The following SNCAIP variants were observed in gnomAD, a reference collection of about 807,000 sequenced individuals.
SNCAIP encodes synuclein alpha interacting protein, also known as synphilin-1.
In SNCAIP, 43 loss-of-function variants were observed where a neutral mutation model predicts 86.7. The observed-to-expected ratio is 0.50, with a 90% CI of 0.39 to 0.64. The LOEUF (loss-of-function observed/expected upper bound fraction) is 0.64, where lower values mean the gene tolerates loss of function less well. SNCAIP is among the 30% of genes least tolerant of loss of function. The probability of loss-of-function intolerance (pLI) is 0.00; values close to 1 mark genes in which losing one functional copy is unlikely to be tolerated. For synonymous variants in SNCAIP, 417 were observed against 427.2 expected (o/e 0.98, Z 0.29); for missense variants, 981 against 1,103.1 (o/e 0.89, Z 1.57).
rs765265384 is a variant in SNCAIP, at chr5:122,450,709, G to T, written c.1862G>T (p.Arg621Leu). 1.9e-6 allele frequency: 3 copies of T among 1,614,052 alleles called. No individual in the cohort carries two copies. Among genetic ancestry groups the T allele is most frequent in the Admixed American group, 1.7e-5 (1 of 60,008 alleles). ...AKDEDSDKILRQLLGKEISEN... is the reference protein window; with the variant it reads ...AKDEDSDKILLQLLGKEISEN... ...GATGAAGATTCTGATAAAATCTTAC[G>T]CCAGTTATTGGGAAAGGAAATCTCA... Residue 621 changes from arginine to leucine, a missense_variant, in exon 10 of 11, where the codon CGC (arginine) becomes CTC (leucine). Coordinates refer to ENST00000261368, the MANE Select transcript of SNCAIP (RefSeq NM_005460.4).
At chr5:122,398,050 T>C (rs1770994334) in intron 2 of SNCAIP, among the ~76,000 whole-genome samples, 1 of 152,044 alleles carries the variant, frequency 6.6e-6, no homozygotes, top group African/African-American at 2.4e-5. Flanking sequence ...CAGAATCCTA[T>C]TGTGAGGGCT....
chr5:122,391,048 T>C (rs1769235431), intron 1 of SNCAIP, 41 bp from the exon 2 acceptor site: 1 of 1,096,922 alleles, frequency 9.1e-7, no homozygotes, highest in Non-Finnish European at 1.4e-6. Context: ...GTAAAACGGC[T>C]AAATTTTTTT....
At position 122,440,718 on chromosome 5, in the gene SNCAIP, C is replaced by T. The variant is rs369019735; in HGVS notation, c.1386C>T (p.His462=). 49 of 1,613,946 alleles carry T rather than the reference C, an allele frequency of 3.0e-5. No individual in the cohort carries two copies. Among genetic ancestry groups the T allele is most frequent in the African/African-American group, 4.0e-5 (3 of 75,022 alleles). Residue 462 remains histidine (H), a synonymous_variant, in exon 7 of 11, where the codon CAC becomes CAT. Transcript: ENST00000261368. ...EVDQDGNSAV[H]VASQHGYLGC... ...ACCAGGATGGCAACAGTGCCGTTCA[C>T]GTAGCCTCACAGCATGGCTACCTTG...
Position 122,419,046 on chromosome 5 carries a change from G to A in SNCAIP, c.131-3822G>A, listed in dbSNP as rs117974254. 1.1e-4 allele frequency among the ~76,000 whole-genome samples: 16 copies of A among 152,300 alleles called. No individual in the cohort carries two copies. The East Asian group carries it at 3.1e-3, about 29-fold the overall frequency. On this transcript the variant is annotated intron_variant, in intron 3 of 10. Transcript: ENST00000261368. ...GGTGCCTGAGCGATGAAGGGCAGGG[G>A]TCAAGGAAGGAGAAGGGTCAAGGAA... is the stretch of plus-strand genomic sequence containing the variant.
At chr5:122,365,993 C>T (rs571656961) in intron 1 of SNCAIP, among the ~76,000 whole-genome samples, 9 of 152,124 alleles carry the variant, frequency 5.9e-5, no homozygotes, top group Admixed American at 5.9e-4. Flanking sequence ...TCCTAAGTAA[C>T]CCCTAAGCTG....
chr5:122,405,836 C>A (rs56302477), intron 3 of SNCAIP, among the ~76,000 whole-genome samples: 1 of 152,128 alleles, frequency 6.6e-6, no homozygotes, highest in East Asian at 1.9e-4. Flanking sequence ...CCAGGTCTTA[C>A]AATTTCTAGT....
chr5:122,352,173 C>T (rs961555926), intron 1 of SNCAIP, among the ~76,000 whole-genome samples: 3 of 152,180 alleles, frequency 2.0e-5, no homozygotes, highest in African/African-American at 4.8e-5. Context: ...CCCGGAAAAA[C>T]GAGTTCTTGT....
chr5:122,410,248 A>G (rs943380073), intron 3 of SNCAIP, among the ~76,000 whole-genome samples: 2 of 152,156 alleles, frequency 1.3e-5, no homozygotes, highest in Admixed American at 1.3e-4. Flanking sequence ...CCCGAGGCAT[A>G]TTTGTACGTA....
At chr5:122,365,191 AC>A (rs1762930334) in intron 1 of SNCAIP, among the ~76,000 whole-genome samples, 1 of 151,428 alleles carries the variant, frequency 6.6e-6, no homozygotes, top group Admixed American at 6.6e-5. Flanking sequence ...CCCTGTCTGG[AC>A]TCTTTGGAAC....
chr5:122,455,844 A>G (rs976567629), intron 10 of SNCAIP, among the ~76,000 whole-genome samples: 3 of 152,136 alleles, frequency 2.0e-5, no homozygotes, highest in Admixed American at 6.5e-5. Context: ...ATTCAACTCT[A>G]TTCCTTTGAG....
In SNCAIP at chr5:122,451,538, T is replaced by A; in HGVS notation, c.2691T>A (p.Leu897=). 1.9e-6 allele frequency: 3 copies of A among 1,613,778 alleles called. No homozygotes were observed. Among genetic ancestry groups the A allele is most frequent in the Non-Finnish European group, 2.5e-6 (3 of 1,179,992 alleles). ...LKTSTLPLTS[L]GRKTDAKGNP... ...CCTCTACATTGCCCTTGACCTCACT[T>A]GGGAGGAAGACAGATGCCAAGGGAA... The change falls in exon 10 of 11, where the codon CTT becomes CTA. Residue 897 remains leucine (L), a synonymous_variant. Transcript: ENST00000261368.
chr5:122,368,429 G>A (rs889884050), intron 1 of SNCAIP, among the ~76,000 whole-genome samples: 7 of 152,050 alleles, frequency 4.6e-5, no homozygotes, highest in African/African-American at 1.7e-4. Context: ...CAGATTTCCA[G>A]TTTTTGAACC....
At chr5:122,377,799 T>C (rs542562454) in intron 1 of SNCAIP, among the ~76,000 whole-genome samples, 13 of 149,846 alleles carry the variant, frequency 8.7e-5, no homozygotes, top group Non-Finnish European at 1.2e-4. Flanking sequence ...GTTTGGTTTT[T>C]TGTTCTTGCG....
At chr5:122,348,269 A>C (rs1759027704) in intron 1 of SNCAIP, among the ~76,000 whole-genome samples, 1 of 152,166 alleles carries the variant, frequency 6.6e-6, no homozygotes, top group Non-Finnish European at 1.5e-5. Context: ...AAGATATCTT[A>C]ACTCATTAAA....
chr5:122,353,783 C>T (rs1431289184), intron 1 of SNCAIP, among the ~76,000 whole-genome samples: 1 of 152,126 alleles, frequency 6.6e-6, no homozygotes, highest in Non-Finnish European at 1.5e-5. Flanking sequence ...TCCATTAAAC[C>T]TCTTTTTCTT....
At position 122,325,779 on chromosome 5, in the gene SNCAIP, G is replaced by T. The variant is rs552283535; in HGVS notation, c.-47+13495G>T. On this transcript the variant is annotated intron_variant, in intron 1 of 10. Transcript: ENST00000261368. Reference sequence around the variant, plus strand: ...TTTACAAAGTATTCGCAATATTTTTGCATTCTTCAATTTTTTTTGAGTGAG... The same window carrying T: ...TTTACAAAGTATTCGCAATATTTTTTCATTCTTCAATTTTTTTTGAGTGAG... Among the ~76,000 whole-genome samples the T allele has an allele frequency of 3.9e-5, 6 of 152,114 alleles. No homozygotes were observed. In the South Asian group the frequency reaches 1.2e-3, roughly 32 times the overall value.
intron 1 of SNCAIP, chr5:122,323,328 G>A (rs540907995): frequency 1.7e-4 from 26 of 152,282 alleles, no homozygotes; most frequent in African/African-American, 4.6e-4. Context: ...ACAGATTAAC[G>A]TGGTTACAAA....
At position 122,450,999 on chromosome 5, in the gene SNCAIP, C is replaced by G; in HGVS notation, c.2152C>G (p.His718Asp). ...VESMDSAESL[H>D]LMIKKHTLAS... ...GAGTATGGACAGCGCAGAAAGCCTG[C>G]ACCTGATGATTAAGAAACACACCTT... The change falls in exon 10 of 11, where the codon CAC becomes GAC. Residue 718 changes from histidine (H) to aspartate (D), a missense_variant. Physicochemically the swap from His to Asp is moderately conservative, Grantham distance 81. Transcript: ENST00000261368. The G allele has an allele frequency of 6.2e-7, 1 of 1,614,152 alleles. No homozygotes were observed. The highest frequency in any genetic ancestry group is 2.2e-5 in the East Asian group (1 of 44,878).
At chr5:122,374,289 TTTC>T (rs1764842652) in intron 1 of SNCAIP, among the ~76,000 whole-genome samples, 1 of 152,182 alleles carries the variant, frequency 6.6e-6, no homozygotes, top group African/African-American at 2.4e-5. Flanking sequence ...TCTTAGTCTG[TTTC>T]TTGAAAGACT....
Sources: allele counts gnomAD v4.1 joint callset (sites outside exome capture counted in the v4.1 genomes callset), GRCh38; gene constraint gnomAD v4.1.1; transcripts MANE v1.5; gene names NCBI Gene and HGNC (gene_info 2026-07-23, HGNC 2026-07-21).